Variants in CFAP69 observed in about 807,000 individuals in gnomAD.
The protein encoded by CFAP69 is cilia- and flagella-associated protein 69.
Under a neutral mutation model 123.0 loss-of-function variants are expected in CFAP69, and 92 were observed. That is an observed-to-expected ratio of 0.75 (90% confidence interval 0.63 to 0.89). CFAP69 has a LOEUF of 0.89. Among genes scored for constraint, CFAP69 ranks in the 40% least tolerant of loss-of-function variants. CFAP69 has a pLI of 0.00. For missense variants in CFAP69, 1,067 were observed against 1,096.9 expected (o/e 0.97, Z 0.39); for synonymous variants, 380 against 364.3 (o/e 1.04, Z -0.49).
At chr7:90,273,071 T>C (rs1014681048) in intron 8 of CFAP69, among the ~76,000 whole-genome samples, 6 of 152,146 alleles carry the variant, frequency 3.9e-5, no homozygotes, top group Non-Finnish European at 5.9e-5. Context: ...ATATCTACTA[T>C]TAATACAAGG....
intron 13 of CFAP69, among the ~76,000 whole-genome samples, chr7:90,285,026 G>T (rs947428818): frequency 6.6e-6 from 1 of 152,116 alleles, no homozygotes; most frequent in Non-Finnish European, 1.5e-5. Context: ...GGAGTTGAAG[G>T]GTACATAAAT....
At chr7:90,304,871 T>A in intron 19 of CFAP69, 51 bp downstream of exon 19, 1 of 1,150,756 alleles carries the variant, frequency 8.7e-7, no homozygotes, top group Non-Finnish European at 1.3e-6. Flanking sequence ...AGCAAAAAAT[T>A]AACTGGAAAA....
chr7:90,255,491 G>A lies in CFAP69; in HGVS notation c.180+9G>A, dbSNP rs1304610690. ...TCGAAGAGACTGATAAAGTGAGTAA[G>A]CTTTGAGAGAAAATTACTCCGCTGC... On this transcript the variant is annotated intron_variant, in intron 2 of 22. Transcript: ENST00000389297. 24 of 1,604,814 alleles carry A rather than the reference G, an allele frequency of 1.5e-5. No individual in the cohort carries two copies. The highest frequency in any genetic ancestry group is 2.0e-5 in the Non-Finnish European group (24 of 1,172,434).
intron 6 of CFAP69, chr7:90,268,858 A>C (rs1406468648): frequency 6.4e-6 from 1 of 155,334 alleles, no homozygotes; most frequent in Admixed American, 6.5e-5. Context: ...GTTGGGACCA[A>C]GACAGTGGCA....
chr7:90,289,063 C>G (rs1274479666), intron 15 of CFAP69, among the ~76,000 whole-genome samples: 1 of 151,766 alleles, frequency 6.6e-6, no homozygotes, highest in African/African-American at 2.4e-5. Context: ...ACTTGTTAAA[C>G]ATTTTGTTAA....
Position 90,279,709 on chromosome 7 carries a change from G to A in CFAP69, c.1188G>A (p.Leu396=), listed in dbSNP as rs1435001031. ...TTGATGGCAAAGTTATTTTGGCTTT[G>A]TTTACCTATGTTAAGAAGCCTGAGA... is the stretch of plus-strand genomic sequence containing the variant. ...LLIDGKVILA[L]FTYVKKPEKQ... Residue 396 remains leucine (L), a synonymous_variant, in exon 12 of 23, where the codon TTG becomes TTA. Transcript: ENST00000389297. 8.1e-6 allele frequency: 13 copies of A among 1,606,824 alleles called. No homozygotes were observed. The highest frequency in any genetic ancestry group is 1.0e-5 in the Non-Finnish European group (12 of 1,177,626).
chr7:90,295,125 C>T (rs75158827), intron 15 of CFAP69, among the ~76,000 whole-genome samples: 2 of 152,194 alleles, frequency 1.3e-5, no homozygotes, highest in Admixed American at 6.5e-5. Context: ...CTAATCCTCT[C>T]ACCCATAACC....
Position 90,306,910 on chromosome 7 carries a change from A to G in CFAP69, c.2275A>G (p.Ile759Val). ...HRYLDFKIGE[I>V]WNEIYEEIKL... The stretch of plus-strand genomic sequence containing the variant: ...AACTTTGTTATAACAGATTGGAGAA[A>G]TATGGAATGAAATATATGAAGAAAT... The change falls in exon 20 of 23, where the codon ATA becomes GTA. Residue 759 changes from isoleucine (I) to valine (V), a missense_variant. Physicochemically the swap from Ile to Val is conservative, Grantham distance 29 (BLOSUM62 3). Transcript: ENST00000389297. 1 of 1,502,994 alleles carries G rather than the reference A, an allele frequency of 6.7e-7. No homozygotes were observed. Among genetic ancestry groups the G allele is most frequent in the Non-Finnish European group, 9.2e-7 (1 of 1,091,558 alleles). 93.1% of individuals were successfully genotyped at this position (1,502,994 alleles called of 1,614,324 possible).
chr7:90,302,622 A>T (rs1475983239), intron 17 of CFAP69: 1 of 152,144 alleles, frequency 6.6e-6, no homozygotes, highest in Non-Finnish European at 1.5e-5. Context: ...GTTGAAGATC[A>T]AGTAGTTGTA....
chr7:90,306,114 T>TG (rs5885721), intron 19 of CFAP69, among the ~76,000 whole-genome samples: 302 of 110,888 alleles, frequency 2.7e-3, no homozygotes, highest in South Asian at 4.5e-3. Context: ...AGCTTTTTAT[T>TG]GGGGGGGGGC....
intron 4 of CFAP69, among the ~76,000 whole-genome samples, chr7:90,264,101 AAAAATATATATATATATATAT>A (rs1218515565): frequency 3.1e-5 from 1 of 31,872 alleles, no homozygotes; most frequent in African/African-American, 1.0e-4. Context: ...GAAAAAAAAA[AAAAATATATATATATATATAT>A]ATATATATAT....
downstream of CFAP69, among the ~76,000 whole-genome samples, chr7:90,315,596 A>G (rs761841666): frequency 6.6e-6 from 1 of 152,148 alleles, no homozygotes; most frequent in Non-Finnish European, 1.5e-5. Flanking sequence ...ACTGAGGCCT[A>G]CTTGATTGGT....
intron 9 of CFAP69, among the ~76,000 whole-genome samples, chr7:90,275,515 C>G (rs75110757): frequency 0.013 from 1,981 of 148,136 alleles, 20 homozygotes; most frequent in Non-Finnish European, 0.02. Context: ...CTTCAGGCCA[C>G]TAAGACCACA....
intron 1 of CFAP69, among the ~76,000 whole-genome samples, chr7:90,250,085 A>G (rs1033925948): frequency 7.9e-5 from 12 of 152,126 alleles, no homozygotes; most frequent in African/African-American, 2.7e-4. Context: ...GCATGTGTCT[A>G]TAGTGCCAGC....
At chr7:90,308,794 T>C (rs1276678434) in intron 21 of CFAP69, among the ~76,000 whole-genome samples, 2 of 152,194 alleles carry the variant, frequency 1.3e-5, no homozygotes, top group African/African-American at 4.8e-5. Flanking sequence ...AGCAAATACC[T>C]TGAAAATAAC....
In CFAP69 at chr7:90,288,265, T is replaced by C; in HGVS notation, c.1688T>C (p.Val563Ala). The C allele has an allele frequency of 6.2e-7, 1 of 1,611,528 alleles. No individual in the cohort carries two copies. Among genetic ancestry groups the C allele is most frequent in the South Asian group, 1.1e-5 (1 of 90,908 alleles). Residue 563 changes from valine to alanine, a missense_variant, in exon 15 of 23, where the codon GTT becomes GCT. Coordinates refer to ENST00000389297, the MANE Select transcript of CFAP69 (RefSeq NM_001039706.3). ...EIFGTEGVDIVLHVMKTDPRK... is the reference protein window; with the variant it reads ...EIFGTEGVDIALHVMKTDPRK... ...TTCGGAACTGAAGGAGTAGATATCG[T>C]TCTTCATGTGATGAAAACAGACCCC... is the stretch of plus-strand genomic sequence containing the variant.
At chr7:90,319,193 G>T in the CFAP69 span, 1 of 390,638 alleles carries the variant, frequency 2.6e-6, no homozygotes, top group Non-Finnish European at 4.5e-6. Flanking sequence ...TGTAAATAAT[G>T]TAAAATGAGT....
At chr7:90,272,105 G>T (rs1311357668) in intron 8 of CFAP69, 147 bp downstream of exon 8, 6 of 733,884 alleles carry the variant, frequency 8.2e-6, no homozygotes, top group South Asian at 3.0e-5. Context: ...TTGTTCCATG[G>T]TATAAATGAA....
chr7:90,296,423 G>A lies in CFAP69; in HGVS notation c.1776-1326G>A, dbSNP rs572728594. 5.3e-5 allele frequency among the ~76,000 whole-genome samples: 8 copies of A among 152,138 alleles called. 1 individual carries two copies. Among genetic ancestry groups the A allele is most frequent in the African/African-American group, 1.7e-4 (7 of 41,488 alleles). Reference sequence around the variant, plus strand: ...GCTCACTGCAACCTCCTCCTCCTGGGTTCAAGCTATTCTCCTGCCTCAGGC... The same window carrying A: ...GCTCACTGCAACCTCCTCCTCCTGGATTCAAGCTATTCTCCTGCCTCAGGC... On this transcript the variant is annotated intron_variant, in intron 15 of 22. Coordinates refer to ENST00000389297, the MANE Select transcript of CFAP69 (RefSeq NM_001039706.3).
Sources: gnomAD v4.1 joint callset for allele counts (sites outside exome capture counted in the v4.1 genomes callset) on GRCh38, gnomAD v4.1.1 for gene constraint, MANE v1.5 for transcripts, NCBI Gene and HGNC (gene_info 2026-07-23, HGNC 2026-07-21) for gene names.